PROX2: variants seen among roughly 807,000 people sequenced by gnomAD.
PROX2 encodes prospero homeobox 2.
Under a neutral mutation model 48.9 loss-of-function variants are expected in PROX2, and 46 were observed. That is an observed-to-expected ratio of 0.94 (90% CI 0.74 to 1.20). The LOEUF (loss-of-function observed/expected upper bound fraction) is 1.20. Among genes scored for constraint, PROX2 ranks in the 50% most tolerant of loss-of-function variants. PROX2 has a pLI of 0.00. For missense variants in PROX2, 663 were observed against 719.4 expected, an observed-to-expected ratio of 0.92 and a Z score of 0.90; for synonymous variants, 260 against 276.6, an observed-to-expected ratio of 0.94 and a Z score of 0.60.
At chr14:74,861,941 C>G (rs527668496) in intron 3 of PROX2, among the ~76,000 whole-genome samples, 1 of 152,304 alleles carries the variant, frequency 6.6e-6, no homozygotes, top group East Asian at 1.9e-4. Flanking sequence ...TGGATTCTTT[C>G]TTCCTTAGGG....
In PROX2 at chr14:74,862,787, G is replaced by A. The variant is rs1339895069; in HGVS notation, c.1048C>T (p.Leu350=). The A allele has an allele frequency of 1.2e-6, 2 of 1,613,906 alleles. No homozygotes were observed. The highest frequency in any genetic ancestry group is 4.5e-5 in the East Asian group (2 of 44,900). The change falls in exon 3 of 6, where the codon CTG becomes TTG. Residue 350 remains leucine (L), a synonymous_variant. Transcript: ENST00000556489. ...TGGCCATTGTTGTATCTATGACCCA[G>A]TAGCTGGCTAAGAATCTGATTTTCC... The part of the protein sequence containing the change: ...IQENQILSQL[L]GHRYNNGHWS...
intron 2 of PROX2, among the ~76,000 whole-genome samples, chr14:74,868,348 T>A (rs1883124365): frequency 8.3e-6 from 1 of 121,078 alleles, no homozygotes; most frequent in Non-Finnish European, 1.7e-5. Context: ...TATATATATA[T>A]ATATATATAT....
rs369323403 is a variant in PROX2 at position 74,858,470 on chromosome 14, T to A, written c.1350A>T (p.Leu450=). 6.5e-5 allele frequency: 103 copies of A among 1,586,158 alleles called. No individual in the cohort carries two copies. The highest frequency in any genetic ancestry group is 8.6e-5 in the Non-Finnish European group (100 of 1,165,080). ...TGGGATATCGTGTGAAGAAAAACAT[T>A]AGTTTGGCCTTCTTCAAGTGACCAG... ...LNPGHLKKAK[L]MFFFTRYPSS... The change falls in exon 4 of 6, where the codon CTA becomes CTT. Residue 450 remains leucine (L), a synonymous_variant. Coordinates refer to ENST00000556489, the MANE Select transcript of PROX2 (RefSeq NM_001243007.2).
rs999714535 is a variant in PROX2, at chr14:74,855,247, G to A, written c.1664C>T (p.Ala555Val). 1.3e-6 allele frequency: 2 copies of A among 1,584,196 alleles called. No individual in the cohort carries two copies. The highest frequency in any genetic ancestry group is 1.7e-5 in the Admixed American group (1 of 58,988). Reference protein sequence around the residue: ...ASLTLQEFFRAVSAGRDSDPS... With the variant: ...ASLTLQEFFRVVSAGRDSDPS... ...ATCTGAGTCTCTCCCTGCGGAGACA[G>A]CCCTGAAGAACTCCTGTAACGTCAA... is the stretch of plus-strand genomic sequence containing the variant. The change falls in exon 6 of 6, where the codon GCT becomes GTT. Residue 555 changes from alanine to valine, a missense_variant. Transcript: ENST00000556489.
intron 2 of PROX2, among the ~76,000 whole-genome samples, chr14:74,866,715 G>A (rs1883071307): frequency 6.6e-6 from 1 of 152,194 alleles, no homozygotes; most frequent in South Asian, 2.1e-4. Context: ...GACAAGAAGA[G>A]GAGTAGGTGA....
Position 74,863,043 on chromosome 14 carries a change from C to T in PROX2, c.792G>A (p.Val264=). 6.2e-7 allele frequency: 1 copy of T among 1,613,900 alleles called. No homozygotes were observed. The highest frequency in any genetic ancestry group is 8.5e-7 in the Non-Finnish European group (1 of 1,179,812). ...GTGAGGGCTCGCTTCTACCCTCTGC[C>T]ACCTGCCCCTGGAAGCTTCTGCCCA... ...TQLGRSFQGQ[V]AEGRSEPSPP... is the part of the protein sequence containing the mutation. Residue 264 remains valine, a synonymous_variant, in exon 3 of 6, where the codon GTG becomes GTA. Transcript: ENST00000556489.
rs1491205215 is a variant in PROX2, at chr14:74,858,842, T to TTTTGTG, written c.1306-329_1306-328insCACAAA. 3.6e-3 allele frequency: 576 copies of TTTTGTG among 162,200 alleles called. 16 individuals are homozygous for TTTTGTG. The highest frequency in any genetic ancestry group is 8.8e-3 in the South Asian group (71 of 8,082). The allele number at this position is 162,200 out of a possible 1,614,324, so 10.0% of individuals were successfully genotyped here. A position where few individuals can be genotyped will look rare whatever the true frequency, so the allele number is the denominator to read the frequency against. On this transcript the variant is annotated intron_variant, in intron 3 of 5. Coordinates refer to ENST00000556489, the MANE Select transcript of PROX2 (RefSeq NM_001243007.2). ...TAGATGTCAAATACAGGTTGGTGTA[T>TTTTGTG]TGTGTGTGTGTGTGTGTGTGTGTGT... is the stretch of plus-strand genomic sequence containing the variant.
rs146941408 is a variant in PROX2, at chr14:74,863,780, C to G, written c.55G>C (p.Ala19Pro). The G allele has an allele frequency of 1.3e-5, 20 of 1,524,798 alleles. No homozygotes were observed. The East Asian group carries it at 4.5e-4, about 35-fold the overall frequency. 94.5% of individuals were successfully genotyped at this position (1,524,798 alleles called of 1,614,324 possible). Reference sequence around the variant, plus strand: ...CTCTCGCCTTCCGTACAAGCTTCTGCTAGGTGGGAGCAGATCTGGGGCTGA... The same window carrying G: ...CTCTCGCCTTCCGTACAAGCTTCTGGTAGGTGGGAGCAGATCTGGGGCTGA... ...SPQPQICSHL[A>P]EACTEGERSS... The change falls in exon 3 of 6, where the codon GCA (alanine) becomes CCA (proline). Residue 19 changes from alanine (A) to proline (P), a missense_variant. Transcript: ENST00000556489.
intron 2 of PROX2, among the ~76,000 whole-genome samples, chr14:74,866,824 A>G (rs1883079010): frequency 6.6e-6 from 1 of 152,236 alleles, no homozygotes. Context: ...TTTTCAAGAT[A>G]GGCAGAATAA....
chr14:74,861,337 G>A lies in PROX2; in HGVS notation c.1305+1193C>T, dbSNP rs1051549175. 5 of 737,968 alleles carry A rather than the reference G, an allele frequency of 6.8e-6. No individual in the cohort carries two copies. The Admixed American group carries it at 1.0e-4, about 15-fold the overall frequency. The allele number at this position is 737,968 out of a possible 1,614,324, so 45.7% of individuals were successfully genotyped here. ...CCAAAATATATTCTCAAGAACTTAA[G>A]TTCTGCAAGATGCTTGTTAGAAGTG... On this transcript the variant is annotated intron_variant, in intron 3 of 5. Coordinates refer to ENST00000556489, the MANE Select transcript of PROX2 (RefSeq NM_001243007.2).
At position 74,863,430 on chromosome 14, in the gene PROX2, T is replaced by C; in HGVS notation, c.405A>G (p.Gln135=). The part of the protein sequence containing the change: ...NRKGGPRVRE[Q]LHLLKQQLRH... ...TTAGCTGTTGCTTCAGCAGATGAAG[T>C]TGTTCTCTCACACGAGGGCCCCCCT... The change falls in exon 3 of 6, where the codon CAA becomes CAG. Residue 135 remains glutamine (Q), a synonymous_variant. Coordinates refer to ENST00000556489, the MANE Select transcript of PROX2 (RefSeq NM_001243007.2). 6.2e-7 allele frequency: 1 copy of C among 1,613,468 alleles called. No individual in the cohort carries two copies. Among genetic ancestry groups the C allele is most frequent in the Non-Finnish European group, 8.5e-7 (1 of 1,179,606 alleles).
rs369331892 is a variant in PROX2, at chr14:74,862,677, C to T, written c.1158G>A (p.Lys386=). ...EPALRPWRTT[K]PQPLVLSQQQ... is the part of the protein sequence containing the mutation. ...GCTGGCTCAGGACCAATGGTTGCGG[C>T]TTAGTAGTTCTCCAAGGTCGTAGGG... Residue 386 remains lysine (K), a synonymous_variant, in exon 3 of 6, where the codon AAG becomes AAA. Coordinates refer to ENST00000556489, the MANE Select transcript of PROX2 (RefSeq NM_001243007.2). 5 of 1,613,892 alleles carry T rather than the reference C, an allele frequency of 3.1e-6. No individual in the cohort carries two copies. The highest frequency in any genetic ancestry group is 4.2e-6 in the Non-Finnish European group (5 of 1,179,910).
intron 4 of PROX2, chr14:74,857,816 T>A (rs1212938388): frequency 1.3e-5 from 2 of 150,618 alleles, no homozygotes; most frequent in African/African-American, 4.9e-5. Context: ...CAGGCTGGAG[T>A]GCAGTGGCGT....
rs1310848593 is a variant in PROX2, at chr14:74,855,059, T to G, written c.*73A>C. 9.4e-7 allele frequency: 1 copy of G among 1,067,612 alleles called. No homozygotes were observed. Among genetic ancestry groups the G allele is most frequent in the African/African-American group, 1.6e-5 (1 of 63,308 alleles). 66.1% of individuals were successfully genotyped at this position (1,067,612 alleles called of 1,614,324 possible). ...CCCTTTTTATATGACTACAGCTAAA[T>G]TGCCCTTTAAGACAAACCCAGGAAA... is the stretch of plus-strand genomic sequence containing the variant. On this transcript the variant is annotated 3_prime_UTR_variant, in exon 6 of 6. Transcript: ENST00000556489.
At chr14:74,866,853 A>G (rs761452096) in intron 2 of PROX2, among the ~76,000 whole-genome samples, 5 of 152,248 alleles carry the variant, frequency 3.3e-5, no homozygotes, top group Non-Finnish European at 7.3e-5. Context: ...TTGTAGGCTG[A>G]TAACAATGTT....
chr14:74,855,277 G>T lies in PROX2; in HGVS notation c.1634C>A (p.Ala545Asp), dbSNP rs781628600. Residue 545 changes from alanine (A) to aspartate (D), a missense_variant, in exon 6 of 6, where the codon GCC becomes GAC. Ala to Asp is a moderately radical substitution (Grantham distance 126). Transcript: ENST00000556489. ...FEVPDCFLEIASLTLQEFFRA... is the reference protein window; with the variant it reads ...FEVPDCFLEIDSLTLQEFFRA... ...GAAGAACTCCTGTAACGTCAAGCTG[G>T]CAATTTCCAAGAAGCAATCTGGAAC... 1 of 1,557,248 alleles carries T rather than the reference G, an allele frequency of 6.4e-7. No homozygotes were observed. The highest frequency in any genetic ancestry group is 8.8e-7 in the Non-Finnish European group (1 of 1,141,290).
chr14:74,866,309 T>C (rs1456756189), intron 2 of PROX2, among the ~76,000 whole-genome samples: 1 of 151,834 alleles, frequency 6.6e-6, no homozygotes, highest in Non-Finnish European at 1.5e-5. Flanking sequence ...AAGCCTGGGG[T>C]TCAGTCAGGG....
At chr14:74,873,563 T>C in intron 1 of PROX2, 1 of 219,756 alleles carries the variant, frequency 4.6e-6, no homozygotes, top group Non-Finnish European at 9.0e-6. Flanking sequence ...CAGATTTTTA[T>C]ATTTTTAGAT....
chr14:74,870,103 G>A (rs1883173422), intron 2 of PROX2, among the ~76,000 whole-genome samples: 1 of 152,002 alleles, frequency 6.6e-6, no homozygotes, highest in Admixed American at 6.6e-5. Context: ...GAGTGGGGGG[G>A]TAAGAGAAAA....
Sources: allele counts gnomAD v4.1 joint callset (sites outside exome capture counted in the v4.1 genomes callset), GRCh38; gene constraint gnomAD v4.1.1; transcripts MANE v1.5; gene names NCBI Gene and HGNC (gene_info 2026-07-23, HGNC 2026-07-21).